The following CADPS2 variants were observed in gnomAD, a reference collection of about 807,000 sequenced individuals.
The protein encoded by CADPS2 is calcium-dependent secretion activator 2.
Under a neutral mutation model 172.5 loss-of-function variants are expected in CADPS2, and 93 were observed. The observed-to-expected ratio is 0.54, with a 90% CI of 0.46 to 0.64. The LOEUF (loss-of-function observed/expected upper bound fraction) is 0.64. Ranked by LOEUF, CADPS2 falls within the 30% of genes least tolerant of loss-of-function variation. CADPS2 has a pLI of 0.00. For synonymous variants in CADPS2, 546 were observed against 555.2 expected (o/e 0.98, Z 0.23); for missense variants, 1,420 against 1,565.9 (o/e 0.91, Z 1.57).
At chr7:122,728,749 T>G (rs906976074) in intron 2 of CADPS2, among the ~76,000 whole-genome samples, 3 of 151,800 alleles carry the variant, frequency 2.0e-5, no homozygotes, top group East Asian at 3.9e-4. Flanking sequence ...TATCTTTTGA[T>G]ACATTATATT....
intron 1 of CADPS2, among the ~76,000 whole-genome samples, chr7:122,846,747 C>G (rs1015136734): frequency 6.6e-6 from 1 of 152,174 alleles, no homozygotes; most frequent in African/African-American, 2.4e-5. Flanking sequence ...AGTACTAAAG[C>G]TGATTAAGTG....
At chr7:122,708,185 G>C (rs2087908880) in intron 2 of CADPS2, among the ~76,000 whole-genome samples, 1 of 151,602 alleles carries the variant, frequency 6.6e-6, no homozygotes, top group Non-Finnish European at 1.5e-5. Flanking sequence ...TTGAAGGACA[G>C]GATTAAATCT....
At chr7:122,579,341 CAT>C (rs2068483977) in intron 7 of CADPS2, among the ~76,000 whole-genome samples, 1 of 151,288 alleles carries the variant, frequency 6.6e-6, no homozygotes, top group South Asian at 2.1e-4. Flanking sequence ...CTGCTCAAAA[CAT>C]CAATAGTGCT....
At chr7:122,443,671 C>A (rs1171771425) in intron 15 of CADPS2, among the ~76,000 whole-genome samples, 1 of 109,964 alleles carries the variant, frequency 9.1e-6, no homozygotes, top group Non-Finnish European at 1.8e-5. Flanking sequence ...TAAATGAAAG[C>A]CAGAAATCCT....
chr7:122,675,350 G>A (rs1052741818), intron 2 of CADPS2, among the ~76,000 whole-genome samples: 2 of 152,126 alleles, frequency 1.3e-5, no homozygotes, highest in Non-Finnish European at 2.9e-5. Flanking sequence ...AAAGAACAAT[G>A]GTCACGTACC....
intron 1 of CADPS2, among the ~76,000 whole-genome samples, chr7:122,840,459 T>C (rs924098486): frequency 5.3e-5 from 8 of 150,872 alleles, no homozygotes; most frequent in African/African-American, 2.0e-4. Context: ...CACACAAACA[T>C]GAAATCAGAA....
intron 14 of CADPS2, among the ~76,000 whole-genome samples, chr7:122,452,347 C>A (rs767150182): frequency 6.6e-6 from 1 of 152,066 alleles, no homozygotes; most frequent in African/African-American, 2.4e-5. Context: ...ACAAAATAAA[C>A]CTTTTGCACT....
intron 1 of CADPS2, among the ~76,000 whole-genome samples, chr7:122,742,070 C>T (rs1469954524): frequency 2.6e-5 from 4 of 152,030 alleles, no homozygotes; most frequent in Non-Finnish European, 4.4e-5. Context: ...TTTACAGATG[C>T]GCAGAGTCGC....
At chr7:122,454,726 T>C (rs1175961689) in intron 14 of CADPS2, among the ~76,000 whole-genome samples, 1 of 152,220 alleles carries the variant, frequency 6.6e-6, no homozygotes, top group African/African-American at 2.4e-5. Context: ...AGTTATATTT[T>C]ATGAATGTTT....
intron 9 of CADPS2, among the ~76,000 whole-genome samples, chr7:122,508,424 T>A (rs1201453066): frequency 6.8e-6 from 1 of 146,980 alleles, no homozygotes; most frequent in East Asian, 2.1e-4. Context: ...TAATATAGAA[T>A]CCAGTTATTT....
chr7:122,336,352 G>C (rs2035850078), intron 28 of CADPS2, among the ~76,000 whole-genome samples: 1 of 152,174 alleles, frequency 6.6e-6, no homozygotes, highest in African/African-American at 2.4e-5. Flanking sequence ...TAAGAAGTTA[G>C]GATGGAAGAG....
chr7:122,750,249 A>C (rs1205618567), intron 1 of CADPS2, among the ~76,000 whole-genome samples: 2 of 152,132 alleles, frequency 1.3e-5, no homozygotes, highest in Non-Finnish European at 2.9e-5. Flanking sequence ...TTACATTTGA[A>C]TTTCAGGTAA....
intron 1 of CADPS2, among the ~76,000 whole-genome samples, chr7:122,832,490 G>A (rs1315588181): frequency 6.6e-6 from 1 of 152,140 alleles, no homozygotes; most frequent in Non-Finnish European, 1.5e-5. Context: ...GCGGTCATTT[G>A]GAGATATAAG....
At chr7:122,330,586 T>C (rs1197919867) in intron 28 of CADPS2, 2 of 152,208 alleles carry the variant, frequency 1.3e-5, no homozygotes, top group East Asian at 3.8e-4. Flanking sequence ...TTTTGCAAGT[T>C]CTGAGTGTGA....
chr7:122,850,260 T>A, intron 1 of CADPS2: 1 of 956,810 alleles, frequency 1.0e-6, no homozygotes, highest in Non-Finnish European at 1.4e-6. Flanking sequence ...CCTGCTCCAC[T>A]GGGGGCCCCA....
At chr7:122,648,971 T>C (rs1228299299) in intron 3 of CADPS2, among the ~76,000 whole-genome samples, 2 of 152,118 alleles carry the variant, frequency 1.3e-5, no homozygotes, top group East Asian at 1.9e-4. Context: ...ATGCCCACAG[T>C]AGGGTGAGGC....
At chr7:122,797,990 T>C (rs2139856034) in intron 1 of CADPS2, among the ~76,000 whole-genome samples, 1 of 152,204 alleles carries the variant, frequency 6.6e-6, no homozygotes, top group South Asian at 2.1e-4. Context: ...TGTCAAGTTT[T>C]TTTGTGCAGG....
At chr7:122,884,482 A>C (rs1398435324) in intron 1 of CADPS2, among the ~76,000 whole-genome samples, 1 of 152,186 alleles carries the variant, frequency 6.6e-6, no homozygotes, top group Admixed American at 6.5e-5. Flanking sequence ...GGGAAATGCT[A>C]TTATGACCTA....
intron 17 of CADPS2, among the ~76,000 whole-genome samples, chr7:122,432,154 A>G (rs1585972247): frequency 6.6e-6 from 1 of 152,276 alleles, no homozygotes; most frequent in East Asian, 1.9e-4. Flanking sequence ...CATGGCAGCC[A>G]GTGAAAAGAA....
Sources: allele counts gnomAD v4.1 joint callset (sites outside exome capture counted in the v4.1 genomes callset), GRCh38; gene constraint gnomAD v4.1.1; transcripts MANE v1.5; gene names NCBI Gene and HGNC (gene_info 2026-07-23, HGNC 2026-07-21).